Variants in ANKS1B observed in about 807,000 individuals in gnomAD.
ANKS1B encodes ankyrin repeat and sterile alpha motif domain containing 1B.
ANKS1B carries 36 observed loss-of-function variants against 148.3 expected under a neutral mutation model. The observed-to-expected ratio is 0.24, with a 90% CI of 0.19 to 0.32. ANKS1B has a LOEUF of 0.32. Ranked by LOEUF, ANKS1B falls within the 10% of genes least tolerant of loss-of-function variation. The pLI is 1.00. For synonymous variants in ANKS1B, 542 were observed against 560.8 expected (o/e 0.97, Z 0.47); for missense variants, 1,157 against 1,542.6 (o/e 0.75, Z 4.19).
intron 25 of ANKS1B, among the ~76,000 whole-genome samples, chr12:98,765,421 G>A (rs779373006): frequency 2.0e-5 from 3 of 151,608 alleles, no homozygotes; most frequent in Non-Finnish European, 4.4e-5. Flanking sequence ...GTACCACCAC[G>A]CCTGGCTAAT....
chr12:99,177,848 C>T (rs533806248), intron 14 of ANKS1B, among the ~76,000 whole-genome samples: 1 of 152,302 alleles, frequency 6.6e-6, no homozygotes, highest in Non-Finnish European at 1.5e-5. Flanking sequence ...AGATGCTTTA[C>T]TACCACAATC....
Position 98,801,271 on chromosome 12 carries a change from T to A in ANKS1B, c.3142-146A>T. ...TTATGTGAATATAAATACTTGGTTA[T>A]TACATTTTTATATGTATTAGCATAT... On this transcript the variant is annotated intron_variant, in intron 20 of 26. Transcript: ENST00000683438. This position sits in a 1 kb window ranked among gnomAD's most constrained non-coding sequence, Gnocchi z 5.2. 2.9e-6 allele frequency: 2 copies of A among 690,320 alleles called. No individual in the cohort carries two copies. The highest frequency in any genetic ancestry group is 4.5e-6 in the Non-Finnish European group (2 of 440,796). 42.8% of individuals were successfully genotyped at this position (690,320 alleles called of 1,614,324 possible).
At chr12:99,932,134 T>G (rs1054570031) in intron 1 of ANKS1B, among the ~76,000 whole-genome samples, 3 of 152,342 alleles carry the variant, frequency 2.0e-5, no homozygotes, top group African/African-American at 7.2e-5. Context: ...TACTACATTG[T>G]GTATACGTGA....
intron 2 of ANKS1B, among the ~76,000 whole-genome samples, chr12:99,813,749 GA>G (rs2068732736): frequency 6.6e-6 from 1 of 151,636 alleles, no homozygotes; most frequent in African/African-American, 2.4e-5. Context: ...ATTGTCTAAT[GA>G]TATAATTTCT....
At chr12:99,712,663 A>G (rs2056796272) in intron 8 of ANKS1B, among the ~76,000 whole-genome samples, 1 of 152,214 alleles carries the variant, frequency 6.6e-6, no homozygotes, top group Non-Finnish European at 1.5e-5. Context: ...CCATCTGTGG[A>G]TCTGTGAAGC....
chr12:98,937,215 C>T (rs905818191), intron 17 of ANKS1B, among the ~76,000 whole-genome samples: 1 of 152,008 alleles, frequency 6.6e-6, no homozygotes, highest in South Asian at 2.1e-4. Context: ...TTAAAATTTA[C>T]GTTTTTAGCA....
chr12:99,894,244 C>A (rs1039874922), intron 1 of ANKS1B, among the ~76,000 whole-genome samples: 1 of 127,296 alleles, frequency 7.9e-6, no homozygotes, highest in African/African-American at 3.0e-5. Flanking sequence ...CATAGGGAGA[C>A]CCCCATCTCG....
chr12:99,647,996 G>A (rs1021729), intron 9 of ANKS1B: 19,304 of 766,520 alleles, frequency 0.025, 1,751 homozygotes, highest in African/African-American at 0.21. Context: ...GGCATTGAGC[G>A]GTTGGTAATC....
At chr12:98,808,976 T>C (rs1261232007) in intron 19 of ANKS1B, among the ~76,000 whole-genome samples, 2 of 152,160 alleles carry the variant, frequency 1.3e-5, no homozygotes, top group African/African-American at 2.4e-5. Flanking sequence ...AAACAAATGA[T>C]AGAAAAGAAG....
At chr12:99,386,220 T>C (rs1429609057) in intron 12 of ANKS1B, 3 of 152,236 alleles carry the variant, frequency 2.0e-5, no homozygotes, top group Admixed American at 6.5e-5. Context: ...TCCATTAGTT[T>C]TTCTACTATA....
At chr12:99,058,628 A>G (rs533393884) in intron 16 of ANKS1B, among the ~76,000 whole-genome samples, 9 of 150,792 alleles carry the variant, frequency 6.0e-5, no homozygotes, top group South Asian at 2.1e-4. Flanking sequence ...AATCCACTGT[A>G]CATGTAATAT....
At chr12:99,500,123 A>C (rs1032084311) in intron 10 of ANKS1B, among the ~76,000 whole-genome samples, 11 of 152,208 alleles carry the variant, frequency 7.2e-5, no homozygotes, top group South Asian at 2.1e-4. Context: ...ACCTGTGGCA[A>C]AAATCTAAGA....
intron 17 of ANKS1B, among the ~76,000 whole-genome samples, chr12:98,995,939 C>T (rs1568257175): frequency 6.6e-6 from 1 of 152,124 alleles, no homozygotes; most frequent in Non-Finnish European, 1.5e-5. Context: ...CAGAGGGTTC[C>T]CTTGAATCAT....
At chr12:99,369,617 T>C (rs986461249) in intron 12 of ANKS1B, among the ~76,000 whole-genome samples, 1 of 119,876 alleles carries the variant, frequency 8.3e-6, no homozygotes, top group Non-Finnish European at 1.6e-5. Context: ...GTATTACGGT[T>C]AAGAGAATGC....
rs546313239 is a variant in ANKS1B, at chr12:99,529,933, T to C, written c.1273-25292A>G. Among the ~76,000 whole-genome samples the C allele has an allele frequency of 9.2e-5, 14 of 152,342 alleles. No homozygotes were observed. In the South Asian group the frequency reaches 2.7e-3, roughly 29 times the overall value. On this transcript the variant is annotated intron_variant, in intron 9 of 26. Coordinates refer to ENST00000683438, the MANE Select transcript of ANKS1B (RefSeq NM_001352186.2). ...GATAATATTAGGATTAATTTAGGAA[T>C]GTAGACAGTATAATAAATGACTTTC... is the stretch of plus-strand genomic sequence containing the variant.
At chr12:98,810,407 G>A (rs918163669) in intron 19 of ANKS1B, among the ~76,000 whole-genome samples, 1 of 152,182 alleles carries the variant, frequency 6.6e-6, no homozygotes, top group Admixed American at 6.5e-5. Context: ...CACAGCTCTT[G>A]TAACACATTG....
intron 19 of ANKS1B, among the ~76,000 whole-genome samples, chr12:98,823,688 C>T (rs1292768744): frequency 6.6e-6 from 1 of 152,222 alleles, no homozygotes; most frequent in Non-Finnish European, 1.5e-5. Context: ...GACGGGGTTT[C>T]GCCATGTTGG....
chr12:99,973,546 A>C (rs112399029), intron 1 of ANKS1B, among the ~76,000 whole-genome samples: 1 of 152,202 alleles, frequency 6.6e-6, no homozygotes, highest in Non-Finnish European at 1.5e-5. Flanking sequence ...ATGCCACTGC[A>C]CTCCAGGCCT....
At chr12:99,832,071 T>C (rs1018837401) in intron 1 of ANKS1B, among the ~76,000 whole-genome samples, 31 of 152,296 alleles carry the variant, frequency 2.0e-4, no homozygotes, top group Middle Eastern at 3.4e-3. Context: ...TAACAATCAA[T>C]GGAGGCAAAT....
Sources: allele counts gnomAD v4.1 joint callset (sites outside exome capture counted in the v4.1 genomes callset), GRCh38; gene constraint gnomAD v4.1.1; non-coding constraint Gnocchi (gnomAD v3.1); transcripts MANE v1.5; gene names NCBI Gene and HGNC (gene_info 2026-07-23, HGNC 2026-07-21).